FRMD5: variants seen among roughly 807,000 people sequenced by gnomAD.
FRMD5 encodes the protein FERM domain-containing protein 5.
In FRMD5, 20 loss-of-function variants were observed where a neutral mutation model predicts 69.0. The observed-to-expected ratio is 0.29, with a 90% confidence interval of 0.20 to 0.42. The LOEUF is 0.42. Ranked by LOEUF, FRMD5 falls within the 10% of genes least tolerant of loss-of-function variation. FRMD5 has a pLI of 1.00. For missense variants in FRMD5, 595 were observed against 708.6 expected, an observed-to-expected ratio of 0.84 and a Z score of 1.82; for synonymous variants, 271 against 260.1, an observed-to-expected ratio of 1.04 and a Z score of -0.40.
In FRMD5 at chr15:43,874,546, AC is replaced by A. The variant is rs1254337266; in HGVS notation, c.1136-85del. 38 of 928,476 alleles carry A rather than the reference AC, an allele frequency of 4.1e-5. No homozygotes were observed. In the African/African-American group the frequency reaches 5.7e-4, roughly 14 times the overall value. 57.5% of individuals were successfully genotyped at this position (928,476 alleles called of 1,614,324 possible). ...TAGCACCCATTGTGTTTTATTGGGT[AC>A]CATTCTGCACACCCACATGACCAGC... On this transcript the variant is annotated intron_variant, in intron 13 of 13. Transcript: ENST00000417257.
At chr15:44,042,659 C>G (rs1165919318) in intron 1 of FRMD5, among the ~76,000 whole-genome samples, 2 of 152,208 alleles carry the variant, frequency 1.3e-5, no homozygotes, top group Non-Finnish European at 2.9e-5. Context: ...ATCACATAAA[C>G]AGAACCAATA....
At position 44,116,869 on chromosome 15, in the gene FRMD5, G is replaced by A. The variant is rs557275654; in HGVS notation, c.102+78084C>T. ...GGCTGAGGCGGGCGGATCACCTGAG[G>A]TCAGGAGTTCGAGACCAGCCTGGGC... On this transcript the variant is annotated intron_variant, in intron 1 of 13. Coordinates refer to ENST00000417257, the MANE Select transcript of FRMD5 (RefSeq NM_032892.5). 2.3e-3 allele frequency among the ~76,000 whole-genome samples: 344 copies of A among 152,026 alleles called. 1 individual carries two copies. Among genetic ancestry groups the A allele is most frequent in the Admixed American group, 4.7e-3 (72 of 15,272 alleles).
At chr15:44,030,437 C>T (rs1891630281) in intron 1 of FRMD5, among the ~76,000 whole-genome samples, 1 of 152,074 alleles carries the variant, frequency 6.6e-6, no homozygotes, top group Admixed American at 6.5e-5. Context: ...CTTAGTGTTA[C>T]TGACAAGATT....
intron 1 of FRMD5, among the ~76,000 whole-genome samples, chr15:44,141,773 GA>G (rs1257892565): frequency 6.6e-6 from 1 of 152,182 alleles, no homozygotes; most frequent in African/African-American, 2.4e-5. Context: ...GCTGTTATTA[GA>G]CTTCTGGTGA....
intron 1 of FRMD5, among the ~76,000 whole-genome samples, chr15:44,149,981 T>G (rs1163382745): frequency 6.6e-6 from 1 of 152,164 alleles, no homozygotes; most frequent in Non-Finnish European, 1.5e-5. Flanking sequence ...TAGATTTTTT[T>G]CCTGCAATGT....
intron 1 of FRMD5, chr15:43,989,270 A>G (rs1889550712): frequency 1.3e-6 from 1 of 788,240 alleles, no homozygotes; most frequent in African/African-American, 1.7e-5. Context: ...ATGCCAGGGT[A>G]CCTGGTGGTG....
At chr15:43,991,549 T>G (rs1889677932) in intron 1 of FRMD5, among the ~76,000 whole-genome samples, 3 of 152,190 alleles carry the variant, frequency 2.0e-5, no homozygotes. Context: ...AATCCATAAA[T>G]TCATTGCCAA....
intron 1 of FRMD5, among the ~76,000 whole-genome samples, chr15:44,062,407 C>T (rs1893126117): frequency 1.3e-5 from 2 of 152,106 alleles, no homozygotes; most frequent in African/African-American, 2.4e-5. Flanking sequence ...TTAGTAGCTA[C>T]AGGCTGGGCG....
At chr15:43,923,000 C>T (rs1215269597) in intron 2 of FRMD5, among the ~76,000 whole-genome samples, 2 of 152,036 alleles carry the variant, frequency 1.3e-5, no homozygotes, top group Non-Finnish European at 2.9e-5. Flanking sequence ...AAAGTTTGGA[C>T]CAAACAAAGA....
At chr15:44,052,801 A>G (rs1892723634) in intron 1 of FRMD5, among the ~76,000 whole-genome samples, 1 of 152,184 alleles carries the variant, frequency 6.6e-6, no homozygotes, top group South Asian at 2.1e-4. Context: ...AAAGGGCCTT[A>G]GAGAATACTG....
chr15:43,933,369 C>T (rs2089707875), intron 1 of FRMD5, among the ~76,000 whole-genome samples: 1 of 152,204 alleles, frequency 6.6e-6, no homozygotes, highest in Non-Finnish European at 1.5e-5. Context: ...CTGAGTCCAC[C>T]TCAGAATCAC....
At chr15:44,062,998 C>A (rs982443337) in intron 1 of FRMD5, among the ~76,000 whole-genome samples, 2 of 152,182 alleles carry the variant, frequency 1.3e-5, no homozygotes, top group Non-Finnish European at 2.9e-5. Flanking sequence ...CTAAACCATA[C>A]AATTTTGATT....
chr15:43,888,357 G>A, intron 9 of FRMD5, 91 bp from the exon 10 acceptor site: 2 of 841,134 alleles, frequency 2.4e-6, no homozygotes, highest in South Asian at 3.1e-5. Flanking sequence ...GCTGTTAGAG[G>A]CCCTGGCAGC....
At chr15:44,035,073 C>A (rs1023392255) in intron 1 of FRMD5, among the ~76,000 whole-genome samples, 1 of 152,226 alleles carries the variant, frequency 6.6e-6, no homozygotes, top group Middle Eastern at 3.4e-3. Flanking sequence ...AGACCTGGTA[C>A]TATATTTAAA....
chr15:43,980,824 TC>T (rs1286716042), intron 1 of FRMD5, among the ~76,000 whole-genome samples: 3 of 152,194 alleles, frequency 2.0e-5, no homozygotes, highest in African/African-American at 7.2e-5. Flanking sequence ...TGGGTGCTGC[TC>T]ATTTTTGTGT....
At chr15:43,920,137 C>T (rs773835355) in intron 2 of FRMD5, among the ~76,000 whole-genome samples, 6 of 152,162 alleles carry the variant, frequency 3.9e-5, no homozygotes, top group Middle Eastern at 3.2e-3. Flanking sequence ...GTATGTGTGG[C>T]GGGGACAGAG....
intron 1 of FRMD5, among the ~76,000 whole-genome samples, chr15:44,005,725 C>T (rs1198614194): frequency 6.6e-6 from 1 of 152,030 alleles, no homozygotes; most frequent in African/African-American, 2.4e-5. Flanking sequence ...CTCATGATAA[C>T]TCTTATCCCA....
chr15:44,139,333 T>A (rs1250193376), intron 1 of FRMD5, among the ~76,000 whole-genome samples: 1 of 146,000 alleles, frequency 6.8e-6, no homozygotes, highest in Admixed American at 6.7e-5. Flanking sequence ...ACACACACTT[T>A]CTTTCATCTA....
chr15:44,035,159 G>C (rs1891851866), intron 1 of FRMD5, among the ~76,000 whole-genome samples: 1 of 152,116 alleles, frequency 6.6e-6, no homozygotes, highest in African/African-American at 2.4e-5. Flanking sequence ...TGGTGTCACA[G>C]GTGACTCTTC....
Sources: gnomAD v4.1 joint callset for allele counts (sites outside exome capture counted in the v4.1 genomes callset) on GRCh38, gnomAD v4.1.1 for gene constraint, MANE v1.5 for transcripts, NCBI Gene and HGNC (gene_info 2026-07-23, HGNC 2026-07-21) for gene names.